Variants in CDH7 observed in about 807,000 individuals in gnomAD.
The protein encoded by CDH7 is cadherin 7, also known as cadherin-7.
Under a neutral mutation model 71.8 loss-of-function variants are expected in CDH7, and 25 were observed. The ratio of observed to expected loss-of-function variants is 0.35; its 90% CI spans 0.25 to 0.49. The LOEUF is 0.49. Among genes scored for constraint, CDH7 ranks in the 20% least tolerant of loss-of-function variants. CDH7 has a pLI of 0.99. For missense variants in CDH7, 862 were observed against 974.6 expected (o/e 0.88, Z 1.54); for synonymous variants, 381 against 363.8 (o/e 1.05, Z -0.54).
intron 2 of CDH7, among the ~76,000 whole-genome samples, chr18:65,767,846 T>C (rs902502122): frequency 4.6e-5 from 7 of 152,244 alleles, no homozygotes; most frequent in Admixed American, 2.0e-4. Context: ...GTTATTTTGT[T>C]TTTTTCTTAC....
intron 6 of CDH7, among the ~76,000 whole-genome samples, chr18:65,826,109 A>G (rs551573034): frequency 1.3e-5 from 2 of 151,694 alleles, no homozygotes; most frequent in African/African-American, 4.8e-5. Flanking sequence ...CTTGTTTTCT[A>G]ATTTTATAAT....
At chr18:65,849,339 TTTTTCTTTTCTTTTCTTTTCTTTTC>T (rs71167161) in intron 7 of CDH7, among the ~76,000 whole-genome samples, 1,902 of 82,590 alleles carry the variant, frequency 0.023, 76 homozygotes, top group African/African-American at 0.06. Flanking sequence ...TAGCCTTTCC[TTTTTCTTTTCTTTTCTTTTCTTTTC>T]TTTTCTTTTC....
intron 2 of CDH7, among the ~76,000 whole-genome samples, chr18:65,782,154 CTT>C (rs1459610651): frequency 2.8e-5 from 3 of 108,238 alleles, no homozygotes; most frequent in Admixed American, 1.0e-4. Context: ...TTCTTTCTTT[CTT>C]TCTTTCTTCC....
intron 2 of CDH7, among the ~76,000 whole-genome samples, chr18:65,783,157 A>G (rs2143839283): frequency 6.6e-6 from 1 of 152,342 alleles, no homozygotes; most frequent in South Asian, 2.1e-4. Context: ...AATTCCTACA[A>G]TAATAAATAT....
At chr18:65,797,845 A>G (rs956196354) in intron 2 of CDH7, among the ~76,000 whole-genome samples, 1 of 152,182 alleles carries the variant, frequency 6.6e-6, no homozygotes, top group Non-Finnish European at 1.5e-5. Flanking sequence ...TGATAGTACA[A>G]TGGAAGAACA....
At chr18:65,775,018 A>T (rs1376753274) in intron 2 of CDH7, among the ~76,000 whole-genome samples, 1 of 152,204 alleles carries the variant, frequency 6.6e-6, no homozygotes, top group Non-Finnish European at 1.5e-5. Flanking sequence ...GAAGATCCAG[A>T]CAGGAAATGA....
At chr18:65,831,508 A>C (rs1912348324) in intron 6 of CDH7, among the ~76,000 whole-genome samples, 1 of 152,186 alleles carries the variant, frequency 6.6e-6, no homozygotes, top group Non-Finnish European at 1.5e-5. Context: ...TCCCAGAATC[A>C]AGGAAGTCTT....
chr18:65,878,834 T>C (rs1914141026), intron 11 of CDH7, among the ~76,000 whole-genome samples: 1 of 152,026 alleles, frequency 6.6e-6, no homozygotes, highest in Non-Finnish European at 1.5e-5. Flanking sequence ...CCAGAAAAGC[T>C]CAGAAATGTA....
chr18:65,754,095 A>C (rs977715076), intron 1 of CDH7, among the ~76,000 whole-genome samples: 18 of 152,336 alleles, frequency 1.2e-4, no homozygotes, highest in African/African-American at 4.1e-4. Flanking sequence ...TTATTACATA[A>C]ATAACTCAGA....
At position 65,762,965 on chromosome 18, in the gene CDH7, G is replaced by A. The variant is rs1250432966; in HGVS notation, c.123G>A (p.Gly41=). The A allele has an allele frequency of 1.2e-6, 2 of 1,613,562 alleles. No homozygotes were observed. Among genetic ancestry groups the A allele is most frequent in the Non-Finnish European group, 1.7e-6 (2 of 1,179,842 alleles). Residue 41 remains glycine, a synonymous_variant, in exon 2 of 12, where the codon GGG becomes GGA. Transcript: ENST00000397968. ...RSRSKPYFQS[G]RSRTKRSWVW... is the part of the protein sequence containing the mutation. Reference sequence around the variant, plus strand: ...GATCAAAGCCCTATTTCCAATCAGGGAGGTCCCGGACCAAGCGCAGCTGGG... The same window carrying A: ...GATCAAAGCCCTATTTCCAATCAGGAAGGTCCCGGACCAAGCGCAGCTGGG...
intron 6 of CDH7, among the ~76,000 whole-genome samples, chr18:65,828,767 G>A (rs1042149445): frequency 2.1e-4 from 32 of 151,816 alleles, no homozygotes; most frequent in Non-Finnish European, 3.7e-4. Flanking sequence ...CTTATTCTCA[G>A]CAATTATTTT....
rs563301245 is a variant in CDH7, at chr18:65,791,875, A to G, written c.211-17829A>G. Among the ~76,000 whole-genome samples, 3 of 152,024 alleles carry G rather than the reference A, an allele frequency of 2.0e-5. No individual in the cohort carries two copies. In the South Asian group the frequency reaches 6.3e-4, roughly 32 times the overall value. ...TCTGGTTTAAATTCCTTCTGCTCTA[A>G]TGGTTGTGTGTATTCTCCAATCATC... On this transcript the variant is annotated intron_variant, in intron 2 of 11. Coordinates refer to ENST00000397968, the MANE Select transcript of CDH7 (RefSeq NM_004361.5).
intron 6 of CDH7, among the ~76,000 whole-genome samples, chr18:65,839,006 G>A (rs1425042847): frequency 3.9e-5 from 6 of 152,066 alleles, no homozygotes. Flanking sequence ...TGTTCTAGGT[G>A]CTATTTATTT....
chr18:65,851,115 T>C (rs775694311), intron 7 of CDH7, among the ~76,000 whole-genome samples: 6 of 152,118 alleles, frequency 3.9e-5, no homozygotes, highest in Non-Finnish European at 5.9e-5. Context: ...CAATAATTTA[T>C]TTTGAAGTTT....
At chr18:65,754,410 C>A (rs1915975229) in intron 1 of CDH7, among the ~76,000 whole-genome samples, 1 of 152,152 alleles carries the variant, frequency 6.6e-6, no homozygotes, top group African/African-American at 2.4e-5. Flanking sequence ...GATTTGATCG[C>A]AGTTTCTTTA....
chr18:65,792,746 A>G (rs1323029519), intron 2 of CDH7, among the ~76,000 whole-genome samples: 1 of 152,180 alleles, frequency 6.6e-6, no homozygotes, highest in African/African-American at 2.4e-5. Context: ...CCTCTTATCC[A>G]TGCAGGCTGA....
intron 1 of CDH7, among the ~76,000 whole-genome samples, chr18:65,759,043 T>C (rs946261083): frequency 7.9e-5 from 12 of 152,218 alleles, no homozygotes; most frequent in Admixed American, 5.9e-4. Context: ...CATGCCATGT[T>C]CTGTAACTCC....
chr18:65,814,366 G>C (rs746282833), intron 3 of CDH7, 119 bp from the exon 4 acceptor site: 11 of 1,167,482 alleles, frequency 9.4e-6, no homozygotes, highest in South Asian at 8.8e-5. Flanking sequence ...TATGTGTCTT[G>C]AAAAAGATAA....
intron 6 of CDH7, among the ~76,000 whole-genome samples, chr18:65,834,547 T>G (rs537726966): frequency 6.6e-6 from 1 of 152,246 alleles, no homozygotes; most frequent in East Asian, 1.9e-4. Context: ...TTAAGATATT[T>G]TAAGACGGGT....
Sources: gnomAD v4.1 joint callset for allele counts (sites outside exome capture counted in the v4.1 genomes callset) on GRCh38, gnomAD v4.1.1 for gene constraint, MANE v1.5 for transcripts, NCBI Gene and HGNC (gene_info 2026-07-23, HGNC 2026-07-21) for gene names.